DLG2: variants seen among roughly 807,000 people sequenced by gnomAD.
The protein encoded by DLG2 is discs large MAGUK scaffold protein 2.
Under a neutral mutation model 132.5 loss-of-function variants are expected in DLG2, and 45 were observed. The observed-to-expected ratio is 0.34, with a 90% CI of 0.27 to 0.44. DLG2 has a LOEUF of 0.44. Among genes scored for constraint, DLG2 ranks in the 20% least tolerant of loss-of-function variants. DLG2 has a pLI of 1.00. For synonymous variants in DLG2, 424 were observed against 419.6 expected (o/e 1.01, Z -0.13); for missense variants, 1,045 against 1,196.9 (o/e 0.87, Z 1.87).
At chr11:85,305,789 A>G (rs572061892) in intron 3 of DLG2, among the ~76,000 whole-genome samples, 3 of 152,356 alleles carry the variant, frequency 2.0e-5, no homozygotes, top group African/African-American at 7.2e-5. Flanking sequence ...CTGGGATTAC[A>G]GGCGTGAGCC....
chr11:85,342,455 G>A (rs912601962), intron 3 of DLG2, among the ~76,000 whole-genome samples: 2 of 152,168 alleles, frequency 1.3e-5, no homozygotes, highest in African/African-American at 4.8e-5. Context: ...GGGGCATGGA[G>A]CTGTCATCTG....
At chr11:84,100,547 A>G (rs1435768823) in intron 9 of DLG2, among the ~76,000 whole-genome samples, 1 of 151,804 alleles carries the variant, frequency 6.6e-6, no homozygotes, top group African/African-American at 2.4e-5. Flanking sequence ...CTTTATAAAT[A>G]TTCGTCTTAA....
In DLG2 at chr11:85,411,158, T is replaced by C. The variant is rs1230384397; in HGVS notation, c.41-125793A>G. Among the ~76,000 whole-genome samples the C allele has an allele frequency of 1.0e-4, 15 of 150,500 alleles. No individual in the cohort carries two copies. The Admixed American group carries it at 1.0e-3, about 10-fold the overall frequency. ...GAGAACAAGTACAAAGGAGGAGGAA[T>C]AGTGGGAAAGAAGAGAAATAAGTGA... On this transcript the variant is annotated intron_variant, in intron 3 of 27. Coordinates refer to ENST00000376104, the MANE Select transcript of DLG2 (RefSeq NM_001142699.3).
chr11:83,481,792 G>A (rs2093134603), intron 22 of DLG2, among the ~76,000 whole-genome samples: 1 of 152,104 alleles, frequency 6.6e-6, no homozygotes, highest in South Asian at 2.1e-4. Context: ...TATCTTAAGT[G>A]CCTTGAATTG....
At chr11:83,849,765 T>TA (rs67891823) in intron 16 of DLG2, among the ~76,000 whole-genome samples, 347 of 148,086 alleles carry the variant, frequency 2.3e-3, no homozygotes, top group Middle Eastern at 7.1e-3. Context: ...TTTTTTTTTT[T>TA]AAAAAAAAAG....
intron 7 of DLG2, among the ~76,000 whole-genome samples, chr11:84,343,993 T>C (rs2098527692): frequency 6.6e-6 from 1 of 152,146 alleles, no homozygotes; most frequent in Admixed American, 6.5e-5. Context: ...ATGCCACCTG[T>C]TGAGTGATGT....
intron 8 of DLG2, among the ~76,000 whole-genome samples, chr11:84,180,702 C>T (rs897463794): frequency 4.0e-5 from 6 of 151,840 alleles, no homozygotes; most frequent in East Asian, 1.9e-4. Flanking sequence ...GCCATATCTA[C>T]GGAGGAGCAA....
At chr11:83,925,900 C>T (rs71465565) in intron 15 of DLG2, among the ~76,000 whole-genome samples, 11,836 of 151,942 alleles carry the variant, frequency 0.078, 658 homozygotes, top group Non-Finnish European at 0.11. Flanking sequence ...TCAAAATTAC[C>T]TTTTTTCAAA....
chr11:84,430,223 G>A (rs924555755), intron 7 of DLG2, among the ~76,000 whole-genome samples: 5 of 152,036 alleles, frequency 3.3e-5, no homozygotes, highest in African/African-American at 1.2e-4. Context: ...AGATCACAAG[G>A]TCAGGAGATC....
intron 16 of DLG2, among the ~76,000 whole-genome samples, chr11:83,862,480 G>A (rs114161803): frequency 0.015 from 2,340 of 152,022 alleles, 65 homozygotes; most frequent in African/African-American, 0.053. Context: ...GATGGTTAAT[G>A]GGTACAAAAA....
At chr11:85,462,949 C>G (rs1354823923) in intron 3 of DLG2, among the ~76,000 whole-genome samples, 1 of 152,162 alleles carries the variant, frequency 6.6e-6, no homozygotes, top group East Asian at 1.9e-4. Context: ...CACAAGCAAG[C>G]TGTATCTCTC....
rs979642901 is a variant in DLG2, at chr11:84,809,674, T to C, written c.358-274943A>G. Among the ~76,000 whole-genome samples the C allele has an allele frequency of 2.6e-5, 4 of 151,946 alleles. No homozygotes were observed. In the East Asian group the frequency reaches 7.7e-4, roughly 29 times the overall value. ...ATTAAAAATATAATACCTTTTACAATTGCTCAAAAATACTTATTCTAAATA... is the reference window on the plus strand; with the variant it reads ...ATTAAAAATATAATACCTTTTACAACTGCTCAAAAATACTTATTCTAAATA... On this transcript the variant is annotated intron_variant, in intron 6 of 27. Coordinates refer to ENST00000376104, the MANE Select transcript of DLG2 (RefSeq NM_001142699.3).
chr11:84,842,854 T>C (rs1198605855), intron 6 of DLG2, among the ~76,000 whole-genome samples: 1 of 151,888 alleles, frequency 6.6e-6, no homozygotes, highest in East Asian at 1.9e-4. Context: ...AGACTCTTTC[T>C]TGGTATATTT....
intron 16 of DLG2, among the ~76,000 whole-genome samples, chr11:83,863,394 T>A (rs2061765212): frequency 6.6e-6 from 1 of 152,172 alleles, no homozygotes; most frequent in Non-Finnish European, 1.5e-5. Context: ...TTCTTTACCA[T>A]GTGCTGTGTT....
At chr11:83,643,367 A>C (rs1278611337) in intron 18 of DLG2, among the ~76,000 whole-genome samples, 1 of 152,156 alleles carries the variant, frequency 6.6e-6, no homozygotes, top group Non-Finnish European at 1.5e-5. Context: ...TGATTCTCTC[A>C]AGATTTTATT....
At chr11:83,607,529 T>C (rs633191) in intron 19 of DLG2, among the ~76,000 whole-genome samples, 75,936 of 152,092 alleles carry the variant, frequency 0.5, 19,945 homozygotes, top group African/African-American at 0.65. Flanking sequence ...CATGGACACT[T>C]ACTACATTTC....
At chr11:84,703,112 G>T (rs2059376464) in intron 6 of DLG2, among the ~76,000 whole-genome samples, 1 of 151,352 alleles carries the variant, frequency 6.6e-6, no homozygotes, top group African/African-American at 2.4e-5. Context: ...CACTTAAAAG[G>T]GGCTTACCTT....
intron 18 of DLG2, among the ~76,000 whole-genome samples, chr11:83,724,558 T>G (rs1421454177): frequency 6.8e-6 from 1 of 147,380 alleles, no homozygotes; most frequent in African/African-American, 2.5e-5. Context: ...GAGATAATCC[T>G]GCTGAAGAGG....
chr11:84,196,428 C>G (rs1406057389), intron 8 of DLG2, among the ~76,000 whole-genome samples: 1 of 151,928 alleles, frequency 6.6e-6, no homozygotes, highest in Non-Finnish European at 1.5e-5. Flanking sequence ...AAACAACTCT[C>G]AAAGAGAATG....
Sources: allele counts gnomAD v4.1 joint callset (sites outside exome capture counted in the v4.1 genomes callset), GRCh38; gene constraint gnomAD v4.1.1; transcripts MANE v1.5; gene names NCBI Gene and HGNC (gene_info 2026-07-23, HGNC 2026-07-21).